Variants in DLGAP1 observed in about 807,000 individuals in gnomAD.
The protein encoded by DLGAP1 is DLG associated protein 1.
DLGAP1 carries 11 observed loss-of-function variants against 90.8 expected under a neutral mutation model. That is an observed-to-expected ratio of 0.12 (90% CI 0.08 to 0.20). The LOEUF (loss-of-function observed/expected upper bound fraction) is 0.20. Among genes scored for constraint, DLGAP1 ranks in the 10% least tolerant of loss-of-function variants. The probability of loss-of-function intolerance (pLI) is 1.00; values close to 1 mark genes in which losing one functional copy is unlikely to be tolerated. For missense variants in DLGAP1, 1,050 were observed against 1,333.8 expected (o/e 0.79, Z 3.31); for synonymous variants, 558 against 540.7 (o/e 1.03, Z -0.44).
chr18:4,428,356 G>A (rs775867870), intron 1 of DLGAP1, among the ~76,000 whole-genome samples: 9 of 152,118 alleles, frequency 5.9e-5, no homozygotes, highest in Non-Finnish European at 7.4e-5. Flanking sequence ...CAAGGCGGAC[G>A]GATCACTTGA....
chr18:3,740,892 C>T lies in DLGAP1; in HGVS notation c.1350+1443G>A, dbSNP rs557988098. On this transcript the variant is annotated intron_variant, in intron 6 of 12. Coordinates refer to ENST00000315677, the MANE Select transcript of DLGAP1 (RefSeq NM_004746.4). Reference sequence around the variant, plus strand: ...GCCACCACCGTCACCATCACAACCACCACTGCCACCCATTACCAACACCAC... The same window carrying T: ...GCCACCACCGTCACCATCACAACCATCACTGCCACCCATTACCAACACCAC... Among the ~76,000 whole-genome samples the T allele has an allele frequency of 5.1e-3, 756 of 149,200 alleles. 7 individuals are homozygous for T. Among genetic ancestry groups the T allele is most frequent in the African/African-American group, 0.017 (695 of 40,398 alleles).
At position 3,517,465 on chromosome 18, in the gene DLGAP1, G is replaced by A. The variant is rs1445188793; in HGVS notation, c.2480-8804C>T. ...CTTTCTTTAAACTCCATGAACCAAC[G>A]ATTGCTAGCTTCAAACTTTTCTTCT... is the stretch of plus-strand genomic sequence containing the variant. On this transcript the variant is annotated intron_variant, in intron 10 of 12. Coordinates refer to ENST00000315677, the MANE Select transcript of DLGAP1 (RefSeq NM_004746.4). The surrounding 1 kb of genome is among the most constrained non-coding windows in gnomAD (Gnocchi z 4.1). Among the ~76,000 whole-genome samples, 5 of 152,124 alleles carry A rather than the reference G, an allele frequency of 3.3e-5. No homozygotes were observed. Among genetic ancestry groups the A allele is most frequent in the Non-Finnish European group, 7.3e-5 (5 of 68,028 alleles).
At chr18:3,913,747 C>G (rs745528449) in intron 3 of DLGAP1, among the ~76,000 whole-genome samples, 5 of 152,314 alleles carry the variant, frequency 3.3e-5, no homozygotes, top group Non-Finnish European at 7.4e-5. Flanking sequence ...TATGAATATA[C>G]TATGGCTGAA....
chr18:4,395,558 C>T (rs1301971109), intron 1 of DLGAP1, among the ~76,000 whole-genome samples: 2 of 152,106 alleles, frequency 1.3e-5, no homozygotes, highest in East Asian at 3.8e-4. Context: ...ACATGGTTCT[C>T]TGTAAAGATT....
intron 1 of DLGAP1, among the ~76,000 whole-genome samples, chr18:4,226,675 G>A (rs545443270): frequency 3.6e-3 from 202 of 56,694 alleles, no homozygotes; most frequent in South Asian, 6.5e-3. Flanking sequence ...CAAGACTCAT[G>A]GTAAACTCAA....
In DLGAP1 at chr18:3,879,220, G is replaced by A. The variant is rs148957836; in HGVS notation, c.849C>T (p.Leu283=). The change falls in exon 4 of 13, where the codon CTC becomes CTT. Residue 283 remains leucine, a synonymous_variant. Transcript: ENST00000315677. This position sits in a 1 kb window ranked among gnomAD's most constrained non-coding sequence, Gnocchi z 6.6. ...AAACCTCCCGGGCCCGGCTCACGGT[G>A]AGCGTGGAGGACCAGGCGCTCTTCT... ...LLKKSAWSST[L]TVSRAREVYQ... is the part of the protein sequence containing the mutation. 1.9e-6 allele frequency: 3 copies of A among 1,579,288 alleles called. No individual in the cohort carries two copies. Among genetic ancestry groups the A allele is most frequent in the South Asian group, 2.3e-5 (2 of 85,374 alleles).
At chr18:3,826,033 C>A (rs934903778) in intron 4 of DLGAP1, among the ~76,000 whole-genome samples, 2 of 152,118 alleles carry the variant, frequency 1.3e-5, no homozygotes, top group African/African-American at 4.8e-5. Flanking sequence ...AAACGGAAAA[C>A]CAAATACTGC....
intron 9 of DLGAP1, among the ~76,000 whole-genome samples, chr18:3,551,718 C>CACTT (rs2053470104): frequency 1.9e-4 from 6 of 31,342 alleles, no homozygotes; most frequent in African/African-American, 1.2e-3. Flanking sequence ...CTCCCTCCCT[C>CACTT]CCTCCCTTCC....
chr18:4,421,322 T>C (rs1431932434), intron 1 of DLGAP1, among the ~76,000 whole-genome samples: 3 of 152,090 alleles, frequency 2.0e-5, no homozygotes, highest in African/African-American at 7.2e-5. Flanking sequence ...ACTCCCTCAA[T>C]CTTTCAACTC....
chr18:3,692,226 C>T (rs925957053), intron 7 of DLGAP1, among the ~76,000 whole-genome samples: 1 of 152,154 alleles, frequency 6.6e-6, no homozygotes, highest in Admixed American at 6.6e-5. Flanking sequence ...GGTTAAGTGC[C>T]TCTTACCAGA....
chr18:3,681,759 G>A lies in DLGAP1; in HGVS notation c.1591+47376C>T, dbSNP rs184355803. Among the ~76,000 whole-genome samples the A allele has an allele frequency of 4.6e-5, 7 of 152,248 alleles. No individual in the cohort carries two copies. The East Asian group carries it at 5.8e-4, about 13-fold the overall frequency. ...GATTTGGTCATGGGGATGGTTTCTC[G>A]TGAATAGCTTAGCACTATCCCTTCT... On this transcript the variant is annotated intron_variant, in intron 7 of 12. Transcript: ENST00000315677.
At chr18:3,745,684 T>C (rs2063237884) in intron 5 of DLGAP1, among the ~76,000 whole-genome samples, 1 of 152,142 alleles carries the variant, frequency 6.6e-6, no homozygotes, top group African/African-American at 2.4e-5. Flanking sequence ...CTATATTTTA[T>C]TTTTTATTTT....
chr18:4,203,202 G>C (rs895845227), intron 1 of DLGAP1, among the ~76,000 whole-genome samples: 1 of 151,682 alleles, frequency 6.6e-6, no homozygotes, highest in Non-Finnish European at 1.5e-5. Flanking sequence ...TTGAACCCGG[G>C]AGGCGGAGGT....
intron 9 of DLGAP1, among the ~76,000 whole-genome samples, chr18:3,549,564 CTCG>C (rs1296526295): frequency 6.6e-6 from 1 of 152,158 alleles, no homozygotes; most frequent in Non-Finnish European, 1.5e-5. Flanking sequence ...AAATCCTGAC[CTCG>C]TGATCCACCC....
chr18:3,892,579 G>T (rs1254315522), intron 3 of DLGAP1, among the ~76,000 whole-genome samples: 1 of 152,066 alleles, frequency 6.6e-6, no homozygotes, highest in Admixed American at 6.5e-5. Context: ...TCTAATTTAC[G>T]ATCTAGTTGA....
chr18:4,271,396 G>T (rs2079277700), intron 1 of DLGAP1, among the ~76,000 whole-genome samples: 1 of 152,094 alleles, frequency 6.6e-6, no homozygotes, highest in Non-Finnish European at 1.5e-5. Flanking sequence ...AGCAAGTAAG[G>T]CAATCTTAGA....
At chr18:4,143,803 C>T (rs534470300) in intron 2 of DLGAP1, among the ~76,000 whole-genome samples, 1 of 152,272 alleles carries the variant, frequency 6.6e-6, no homozygotes, top group South Asian at 2.1e-4. Context: ...GTTGAATATT[C>T]AGGGCTCAAA....
chr18:3,631,199 G>T (rs1024784844), intron 7 of DLGAP1, among the ~76,000 whole-genome samples: 2 of 151,612 alleles, frequency 1.3e-5, no homozygotes, highest in African/African-American at 4.9e-5. Flanking sequence ...GGTCAGGCTA[G>T]CCTTGAACTC....
At chr18:4,009,810 A>G (rs2074381504) in intron 2 of DLGAP1, among the ~76,000 whole-genome samples, 1 of 152,228 alleles carries the variant, frequency 6.6e-6, no homozygotes, top group Non-Finnish European at 1.5e-5. Context: ...GGGAACCTTT[A>G]GGTGAATGAG....
Sources: allele counts gnomAD v4.1 joint callset (sites outside exome capture counted in the v4.1 genomes callset), GRCh38; gene constraint gnomAD v4.1.1; non-coding constraint Gnocchi (gnomAD v3.1); transcripts MANE v1.5; gene names NCBI Gene and HGNC (gene_info 2026-07-23, HGNC 2026-07-21).